Variants in PARD3B observed in about 807,000 individuals in gnomAD.
PARD3B encodes partitioning defective 3 homolog B.
Under a neutral mutation model 130.2 loss-of-function variants are expected in PARD3B, and 103 were observed. That is an observed-to-expected ratio of 0.79 (90% confidence interval 0.67 to 0.93). The LOEUF (loss-of-function observed/expected upper bound fraction) is 0.93. Ranked by LOEUF, PARD3B falls within the 40% of genes least tolerant of loss-of-function variation. The pLI is 0.00. For synonymous variants in PARD3B, 583 were observed against 553.2 expected, an observed-to-expected ratio of 1.05 and a Z score of -0.76; for missense variants, 1,609 against 1,499.2, an observed-to-expected ratio of 1.07 and a Z score of -1.21.
intron 2 of PARD3B, among the ~76,000 whole-genome samples, chr2:204,824,768 C>T (rs2043503481): frequency 6.6e-6 from 1 of 152,144 alleles, no homozygotes; most frequent in Admixed American, 6.5e-5. Context: ...TTTAGTTTCC[C>T]ACTTCCAAGG....
chr2:205,163,338 G>A (rs551341089), intron 11 of PARD3B, among the ~76,000 whole-genome samples: 182 of 152,286 alleles, frequency 1.2e-3, no homozygotes, highest in Middle Eastern at 0.01. Context: ...GAATTAATTA[G>A]CCAGGTTTGT....
intron 18 of PARD3B, among the ~76,000 whole-genome samples, chr2:205,385,563 C>A (rs1204291983): frequency 1.3e-5 from 2 of 152,032 alleles, no homozygotes; most frequent in Non-Finnish European, 2.9e-5. Context: ...GTTTTGGAAG[C>A]CTAGTGTGAT....
At chr2:204,986,411 A>G (rs532311060) in intron 3 of PARD3B, among the ~76,000 whole-genome samples, 2 of 152,216 alleles carry the variant, frequency 1.3e-5, no homozygotes, top group Non-Finnish European at 2.9e-5. Flanking sequence ...TGTCTCAGCA[A>G]TGGCAGTTAC....
intron 1 of PARD3B, among the ~76,000 whole-genome samples, chr2:204,589,746 T>G (rs183033893): frequency 6.1e-4 from 93 of 152,284 alleles, no homozygotes; most frequent in African/African-American, 2.1e-3. Context: ...TTGGTGCAAA[T>G]GGCAAGGACA....
chr2:205,197,032 GGTGTGTGTGT>G (rs1220147246), intron 15 of PARD3B, among the ~76,000 whole-genome samples: 2 of 55,260 alleles, frequency 3.6e-5, no homozygotes, highest in Non-Finnish European at 3.2e-5. Flanking sequence ...GTGGGGGGGG[GGTGTGTGTGT>G]GTGTGTGTGT....
chr2:205,224,611 C>G (rs1358169811), intron 15 of PARD3B, among the ~76,000 whole-genome samples: 1 of 134,252 alleles, frequency 7.4e-6, no homozygotes, highest in Non-Finnish European at 1.5e-5. Context: ...ATTCTATTCT[C>G]TATCTCCATG....
chr2:205,117,969 A>G (rs1038079589), intron 6 of PARD3B, among the ~76,000 whole-genome samples: 1 of 152,188 alleles, frequency 6.6e-6, no homozygotes, highest in Non-Finnish European at 1.5e-5. Flanking sequence ...TCTAGTGGCT[A>G]TAGTTTTCTT....
rs140744876 is a variant in PARD3B, at chr2:204,565,501, C to T, written c.120+19382C>T. ...CACTGAGTTGTATCAGTTTTCCAAA[C>T]GTTGACATATTTCATTATATAATAT... On this transcript the variant is annotated intron_variant, in intron 1 of 22. Transcript: ENST00000406610. Among the ~76,000 whole-genome samples the T allele has an allele frequency of 9.0e-3, 1,375 of 152,230 alleles. 8 individuals are homozygous for T. The highest frequency in any genetic ancestry group is 0.013 in the Non-Finnish European group (869 of 68,026).
chr2:205,435,077 T>G (rs1189786863), intron 19 of PARD3B, among the ~76,000 whole-genome samples: 1 of 152,088 alleles, frequency 6.6e-6, no homozygotes, highest in African/African-American at 2.4e-5. Flanking sequence ...TTAAATTTAT[T>G]TTTTTAATTA....
At chr2:204,944,653 T>C (rs1689168265) in intron 2 of PARD3B, among the ~76,000 whole-genome samples, 3 of 152,256 alleles carry the variant, frequency 2.0e-5, no homozygotes, top group Admixed American at 2.0e-4. Flanking sequence ...GTTGATATTT[T>C]ATAATCAGTT....
chr2:205,080,380 C>A (rs1034111551), intron 4 of PARD3B, among the ~76,000 whole-genome samples: 2 of 151,976 alleles, frequency 1.3e-5, no homozygotes, highest in African/African-American at 4.8e-5. Context: ...TTAATTGTTG[C>A]CTTTATAGCT....
At chr2:205,145,653 C>G (rs1366294710) in intron 10 of PARD3B, among the ~76,000 whole-genome samples, 1 of 152,076 alleles carries the variant, frequency 6.6e-6, no homozygotes, top group Non-Finnish European at 1.5e-5. Flanking sequence ...CCATTCTCCC[C>G]CATGTTCTCT....
At chr2:205,477,605 A>ATAAT (rs1553520976) in intron 20 of PARD3B, among the ~76,000 whole-genome samples, 15 of 151,946 alleles carry the variant, frequency 9.9e-5, no homozygotes, top group African/African-American at 3.6e-4. Flanking sequence ...TTAAAAAAAA[A>ATAAT]AATAAGCACA....
intron 16 of PARD3B, among the ~76,000 whole-genome samples, chr2:205,246,984 G>C (rs2039600427): frequency 6.6e-6 from 1 of 152,168 alleles, no homozygotes; most frequent in South Asian, 2.1e-4. Context: ...AGGAGCTTCA[G>C]AAGGAAGTTC....
At position 205,407,925 on chromosome 2, in the gene PARD3B, C is replaced by A. The variant is rs930154624; in HGVS notation, c.2741+6802C>A. ...TGTTGTATTAATTAAACATTGCTTT[C>A]GTAGATCTTACTAGAATCTTAGCAG... On this transcript the variant is annotated intron_variant, in intron 19 of 22. Transcript: ENST00000406610. This position sits in a 1 kb window ranked among gnomAD's most constrained non-coding sequence, Gnocchi z 4.1. Among the ~76,000 whole-genome samples, 1 of 152,014 alleles carries A rather than the reference C, an allele frequency of 6.6e-6. No homozygotes were observed. Among genetic ancestry groups the A allele is most frequent in the Non-Finnish European group, 1.5e-5 (1 of 67,978 alleles).
At chr2:204,712,579 A>G (rs1160498356) in intron 2 of PARD3B, among the ~76,000 whole-genome samples, 2 of 148,644 alleles carry the variant, frequency 1.3e-5, no homozygotes, top group Non-Finnish European at 1.5e-5. Flanking sequence ...ACGCCACTGC[A>G]CTTTAGCCTG....
At chr2:204,917,887 T>C (rs1354459259) in intron 2 of PARD3B, among the ~76,000 whole-genome samples, 2 of 152,200 alleles carry the variant, frequency 1.3e-5, no homozygotes, top group Admixed American at 6.5e-5. Flanking sequence ...ATAGTAATAG[T>C]AAAAGTGATT....
chr2:205,147,600 G>A (rs1374889520), intron 10 of PARD3B, among the ~76,000 whole-genome samples: 3 of 151,866 alleles, frequency 2.0e-5, no homozygotes, highest in African/African-American at 7.3e-5. Context: ...CCTTTCATGG[G>A]GATGGGTTTT....
At chr2:204,988,179 G>T (rs1441782683) in intron 3 of PARD3B, among the ~76,000 whole-genome samples, 3 of 152,182 alleles carry the variant, frequency 2.0e-5, no homozygotes, top group Non-Finnish European at 2.9e-5. Flanking sequence ...AGCACTGCAT[G>T]CATGATAAAC....
Sources: gnomAD v4.1 joint callset for allele counts (sites outside exome capture counted in the v4.1 genomes callset) on GRCh38, gnomAD v4.1.1 for gene constraint, Gnocchi (gnomAD v3.1) non-coding constraint, MANE v1.5 for transcripts, NCBI Gene and HGNC (gene_info 2026-07-23, HGNC 2026-07-21) for gene names.